The following SNX18 variants were observed in gnomAD, a reference collection of about 807,000 sequenced individuals.
The protein encoded by SNX18 is sorting nexin-18.
A neutral mutation model predicts 48.7 loss-of-function variants in SNX18; 35 were observed. The observed-to-expected ratio is 0.72, with a 90% CI of 0.55 to 0.95. The LOEUF is 0.95. Among genes scored for constraint, SNX18 ranks in the 40% least tolerant of loss-of-function variants. SNX18 has a pLI of 0.00. For missense variants in SNX18, 824 were observed against 871.0 expected, an observed-to-expected ratio of 0.95 and a Z score of 0.68; for synonymous variants, 492 against 384.7, an observed-to-expected ratio of 1.28 and a Z score of -3.26.
chr5:54,521,369 T>A (rs1337271108), intron 1 of SNX18, among the ~76,000 whole-genome samples: 1 of 152,230 alleles, frequency 6.6e-6, no homozygotes, highest in Non-Finnish European at 1.5e-5. Flanking sequence ...TGTGTTCTAA[T>A]ATCTATTTTG....
chr5:54,574,912 G>A, the SNX18 span, among the ~76,000 whole-genome samples: 2 of 152,158 alleles, frequency 1.3e-5, no homozygotes, highest in South Asian at 4.1e-4. Context: ...AGATGACCAA[G>A]AATTACCCTT....
the SNX18 span, among the ~76,000 whole-genome samples, chr5:54,634,251 G>A: frequency 6.6e-6 from 1 of 152,194 alleles, no homozygotes; most frequent in Admixed American, 6.5e-5. Flanking sequence ...GGGTCCTGCT[G>A]GGTGTAGAGA....
chr5:54,601,646 G>A, the SNX18 span, among the ~76,000 whole-genome samples: 1 of 152,240 alleles, frequency 6.6e-6, no homozygotes, highest in African/African-American at 2.4e-5. Context: ...CAGGAAAGTG[G>A]GGGGAGGAGG....
At chr5:54,607,501 T>C in the SNX18 span, among the ~76,000 whole-genome samples, 3 of 152,258 alleles carry the variant, frequency 2.0e-5, no homozygotes, top group Non-Finnish European at 4.4e-5. Context: ...ACAGAATGGC[T>C]ACAATAACAT....
chr5:54,615,814 A>T, the SNX18 span, among the ~76,000 whole-genome samples: 1 of 152,228 alleles, frequency 6.6e-6, no homozygotes, highest in Non-Finnish European at 1.5e-5. Context: ...AGCACAGTTC[A>T]TGTCAGAATT....
the SNX18 span, among the ~76,000 whole-genome samples, chr5:54,612,600 C>T: frequency 3.9e-5 from 6 of 152,090 alleles, no homozygotes; most frequent in Non-Finnish European, 5.9e-5. Context: ...TATCGGCATA[C>T]GCACTGGGGC....
chr5:54,637,802 CA>C, the SNX18 span, among the ~76,000 whole-genome samples: 1,303 of 152,298 alleles, frequency 8.6e-3, 17 homozygotes, highest in African/African-American at 0.031. Context: ...CTGGAGGGGC[CA>C]TACTCTACAT....
chr5:54,637,390 TC>T, the SNX18 span, among the ~76,000 whole-genome samples: 1 of 152,204 alleles, frequency 6.6e-6, no homozygotes, highest in Non-Finnish European at 1.5e-5. Context: ...TCATCAAATA[TC>T]CTTTGGCGTG....
chr5:54,613,768 G>A, the SNX18 span, among the ~76,000 whole-genome samples: 1 of 152,050 alleles, frequency 6.6e-6, no homozygotes, highest in Non-Finnish European at 1.5e-5. Flanking sequence ...GTGCGATCTC[G>A]GCTCACTGCA....
rs769472742 is a variant in SNX18, at chr5:54,518,508, G to T, written c.556G>T (p.Gly186Cys). ...GGACCTCGACGGCTCGTCTTCGGCG[G>T]GTGTGGGCGCAGCCGGCCGCTACCG... Reference protein sequence around the residue: ...YPDLDGSSSAGVGAAGRYRLS... With the variant: ...YPDLDGSSSACVGAAGRYRLS... Residue 186 changes from glycine (G) to cysteine (C), a missense_variant, in exon 1 of 2, where the codon GGT becomes TGT. Around this residue, in one of 3 missense-constraint regions of SNX18, gnomAD observed 377 missense variants for 350.6 expected, o/e 1.08. Coordinates refer to ENST00000381410, the MANE Select transcript of SNX18 (RefSeq NM_001102575.2). The T allele has an allele frequency of 5.1e-6, 8 of 1,557,638 alleles. No individual in the cohort carries two copies. In the South Asian group the frequency reaches 9.3e-5, roughly 18 times the overall value.
the SNX18 span, among the ~76,000 whole-genome samples, chr5:54,607,012 T>C: frequency 2.6e-5 from 4 of 152,148 alleles, no homozygotes; most frequent in Non-Finnish European, 5.9e-5. Flanking sequence ...TTAACAAATA[T>C]GTCCTCCAGT....
At chr5:54,520,018 T>C in intron 1 of SNX18, 1 of 583,116 alleles carries the variant, frequency 1.7e-6, no homozygotes, top group Non-Finnish European at 3.1e-6. Context: ...AGAAATCTGC[T>C]TTCACCCTTC....
the SNX18 span, among the ~76,000 whole-genome samples, chr5:54,590,089 C>A: frequency 6.6e-6 from 1 of 152,230 alleles, no homozygotes; most frequent in Non-Finnish European, 1.5e-5. Flanking sequence ...CTGCACCCAG[C>A]CCTCTCCAAG....
chr5:54,536,131 G>A (rs1042520913), intron 1 of SNX18, among the ~76,000 whole-genome samples: 2 of 152,140 alleles, frequency 1.3e-5, no homozygotes, highest in Non-Finnish European at 2.9e-5. Context: ...CAGCCTAGGC[G>A]GCACTCTGGG....
chr5:54,589,057 A>T, the SNX18 span, among the ~76,000 whole-genome samples: 143 of 152,304 alleles, frequency 9.4e-4, no homozygotes, highest in African/African-American at 3.4e-3. Context: ...CACTAATCTT[A>T]TCTTATAGAA....
chr5:54,578,606 A>G, the SNX18 span, among the ~76,000 whole-genome samples: 29 of 152,322 alleles, frequency 1.9e-4, no homozygotes, highest in African/African-American at 6.7e-4. Context: ...ACAGCCCAGA[A>G]TCAATTAGTT....
Position 54,519,011 on chromosome 5 carries a change from G to C in SNX18, c.1059G>C (p.Arg353Ser). The C allele has an allele frequency of 6.2e-7, 1 of 1,613,500 alleles. No homozygotes were observed. The highest frequency in any genetic ancestry group is 8.5e-7 in the Non-Finnish European group (1 of 1,179,748). The change falls in exon 1 of 2, where the codon AGG (arginine) becomes AGC (serine). Residue 353 changes from arginine (R) to serine (S), a missense_variant. Coordinates refer to ENST00000381410, the MANE Select transcript of SNX18 (RefSeq NM_001102575.2). ...AGGAGGACTTCATCTCTAAGCGCAG[G>C]AAGGGCCTGATCTGGTGGATGAACC... Reference protein sequence around the residue: ...RFEEDFISKRRKGLIWWMNHM... With the variant: ...RFEEDFISKRSKGLIWWMNHM...
chr5:54,556,218 C>T, the SNX18 span, among the ~76,000 whole-genome samples: 1 of 152,196 alleles, frequency 6.6e-6, no homozygotes, highest in African/African-American at 2.4e-5. Flanking sequence ...TAACAATTCA[C>T]CACAAACTCA....
chr5:54,526,009 C>T (rs961633507), intron 1 of SNX18, among the ~76,000 whole-genome samples: 2 of 152,238 alleles, frequency 1.3e-5, no homozygotes, highest in African/African-American at 2.4e-5. Flanking sequence ...CCTGCTGCTG[C>T]CTGGTGAGGG....
Sources: allele counts gnomAD v4.1 joint callset (sites outside exome capture counted in the v4.1 genomes callset), GRCh38; gene constraint gnomAD v4.1.1; regional missense constraint gnomAD v4.1.1; transcripts MANE v1.5; gene names NCBI Gene and HGNC (gene_info 2026-07-23, HGNC 2026-07-21).